Variants in KDM6A observed in about 807,000 individuals in gnomAD.
KDM6A encodes the protein lysine demethylase 6A.
Under a neutral mutation model 117.6 loss-of-function variants are expected in KDM6A, and 11 were observed. The observed-to-expected ratio is 0.09, with a 90% confidence interval of 0.06 to 0.15. The LOEUF is 0.15. Ranked by LOEUF, KDM6A falls within the 10% of genes least tolerant of loss-of-function variation. The probability of loss-of-function intolerance (pLI) is 1.00; values close to 1 mark genes in which losing one functional copy is unlikely to be tolerated. For synonymous variants in KDM6A, 384 were observed against 396.1 expected, an observed-to-expected ratio of 0.97 and a Z score of 0.36; for missense variants, 799 against 1,077.3, an observed-to-expected ratio of 0.74 and a Z score of 3.62.
intron 4 of KDM6A, among the ~76,000 whole-genome samples, chrX:45,007,443 C>T (rs1419507811): frequency 8.9e-6 from 1 of 112,102 alleles, no homozygotes; most frequent in Non-Finnish European, 1.9e-5. Context: ...TGGCTACATC[C>T]CCCAGGACCC....
chrX:44,958,527 GA>G (rs1180451615), intron 2 of KDM6A, among the ~76,000 whole-genome samples: 1 of 99,559 alleles, frequency 1.0e-5, no homozygotes, highest in Non-Finnish European at 2.0e-5. Flanking sequence ...GGTTAATTAT[GA>G]AAAAAATCTA....
intron 27 of KDM6A, among the ~76,000 whole-genome samples, chrX:45,093,058 C>G (rs906114754): frequency 1.8e-5 from 2 of 110,526 alleles, no homozygotes; most frequent in Non-Finnish European, 3.8e-5. Context: ...GGATTTTAAG[C>G]AGGAAAGGAA....
At chrX:45,005,969 A>ACCCCCCC (rs1569516057) in intron 4 of KDM6A, among the ~76,000 whole-genome samples, 2 of 13,599 alleles carry the variant, frequency 1.5e-4, no homozygotes, top group Admixed American at 9.7e-4. Flanking sequence ...CCACCCCCCC[A>ACCCCCCC]CCCCCCCCAC....
chrX:44,925,714 C>T (rs1221666548), intron 2 of KDM6A, among the ~76,000 whole-genome samples: 6 of 111,071 alleles, frequency 5.4e-5, no homozygotes, highest in Admixed American at 1.9e-4. Context: ...AATAAGTGTC[C>T]TAATGCAAAC....
In KDM6A at chrX:44,961,422, A is replaced by T. The variant is rs372038661; in HGVS notation, c.334+30A>T. On this transcript the variant is annotated intron_variant, in intron 3 of 29. Transcript: ENST00000611820. ...TTTTTTTCTTGTTCATTATTGTTTG[A>T]TTTATACATGTGTTGGATTGTAATT... The T allele has an allele frequency of 7.7e-5, 71 of 926,110 alleles. No individual in the cohort carries two copies. In the African/African-American group the frequency reaches 1.1e-3, roughly 14 times the overall value. The allele number at this position is 926,110 out of a possible 1,213,427, so 76.3% of individuals were successfully genotyped here.
At chrX:45,074,349 T>C (rs2045014190) in intron 18 of KDM6A, among the ~76,000 whole-genome samples, 1 of 112,273 alleles carries the variant, frequency 8.9e-6, no homozygotes, top group South Asian at 3.6e-4. Context: ...CTTGAGGTGT[T>C]CTAAACAGTG....
chrX:44,935,095 A>G (rs2036891450), intron 2 of KDM6A, among the ~76,000 whole-genome samples: 1 of 111,077 alleles, frequency 9.0e-6, no homozygotes, highest in Non-Finnish European at 1.9e-5. Flanking sequence ...CTTTTCTGGG[A>G]TTATGCACAA....
At chrX:44,957,310 T>A (rs1173811882) in intron 2 of KDM6A, among the ~76,000 whole-genome samples, 1 of 111,800 alleles carries the variant, frequency 8.9e-6, no homozygotes, top group African/African-American at 3.3e-5. Context: ...AAGAAAAAAG[T>A]TTAAATGTTG....
At chrX:44,891,217 G>C (rs2033335006) in intron 2 of KDM6A, among the ~76,000 whole-genome samples, 3 of 110,602 alleles carry the variant, frequency 2.7e-5, no homozygotes, top group Non-Finnish European at 5.7e-5. Context: ...ATCTTGATGT[G>C]AAGTATAAAA....
At position 44,922,027 on chromosome X, in the gene KDM6A, CCTTTTTTTTTTTTT is replaced by C. The variant is rs1318933471; in HGVS notation, c.226-39256_226-39243del. On this transcript the variant is annotated intron_variant, in intron 2 of 29. Transcript: ENST00000611820. ...ATGCTGATAAAATTCATTGTGTGTG[CCTTTTTTTTTTTTT>C]TTTTTTTTTTTTTTTTTTTTTTTAA... Among the ~76,000 whole-genome samples, 139 of 37,711 alleles carry C rather than the reference CCTTTTTTTTTTTTT, an allele frequency of 3.7e-3. 13 individuals are homozygous for C. Among genetic ancestry groups the C allele is most frequent in the African/African-American group, 5.6e-3 (42 of 7,528 alleles). 32.7% of individuals were successfully genotyped at this position (37,711 alleles called of 115,157 possible).
At chrX:44,881,752 A>G (rs1261828383) in intron 2 of KDM6A, among the ~76,000 whole-genome samples, 7 of 107,183 alleles carry the variant, frequency 6.5e-5, no homozygotes, top group Non-Finnish European at 1.3e-4. Flanking sequence ...CAATGTCGCA[A>G]TCTCGACTCA....
intron 4 of KDM6A, among the ~76,000 whole-genome samples, chrX:45,006,171 C>T (rs2041473902): frequency 1.1e-5 from 1 of 88,915 alleles, no homozygotes; most frequent in Non-Finnish European, 2.2e-5. Flanking sequence ...GCGCCCCCCC[C>T]CGCCGCCATG....
intron 2 of KDM6A, among the ~76,000 whole-genome samples, chrX:44,917,040 T>A (rs1307702015): frequency 5.6e-5 from 6 of 106,724 alleles, no homozygotes; most frequent in South Asian, 4.3e-4. Flanking sequence ...TTTTTTTTTT[T>A]AATTTAAGTA....
chrX:45,054,937 C>T, intron 10 of KDM6A, among the ~76,000 whole-genome samples: 1 of 111,365 alleles, frequency 9.0e-6, no homozygotes, highest in Non-Finnish European at 1.9e-5. Flanking sequence ...GTGCTACTTT[C>T]ATATAGTGGG....
At chrX:44,907,915 T>C (rs2034832508) in intron 2 of KDM6A, among the ~76,000 whole-genome samples, 1 of 109,844 alleles carries the variant, frequency 9.1e-6, no homozygotes, top group Non-Finnish European at 1.9e-5. Context: ...AGCCAAACTG[T>C]GGAAGTGGAC....
intron 6 of KDM6A, among the ~76,000 whole-genome samples, chrX:45,026,769 T>C (rs1372613612): frequency 1.9e-5 from 2 of 102,777 alleles, no homozygotes; most frequent in Admixed American, 2.2e-4. Flanking sequence ...AGGTGGAGAT[T>C]GCAGTGAGCT....
chrX:44,953,497 A>T (rs767716675), intron 2 of KDM6A, among the ~76,000 whole-genome samples: 35 of 112,338 alleles, frequency 3.1e-4, no homozygotes, highest in Non-Finnish European at 5.4e-4. Flanking sequence ...GTCACAAAAC[A>T]GTATTTATAG....
chrX:44,973,901 C>G (rs2039487952), intron 3 of KDM6A, among the ~76,000 whole-genome samples: 1 of 111,100 alleles, frequency 9.0e-6, no homozygotes, highest in Non-Finnish European at 1.9e-5. Flanking sequence ...CACACACCCC[C>G]TTTTCATCCC....
In KDM6A at chrX:45,019,873, C is replaced by T. The variant is rs183325758; in HGVS notation, c.444-737C>T. ...ATTCAATGAAAAGTGTTTCTTTCCCCAACCCCTGAACTTGTTCTATTGGTG... is the reference window on the plus strand; with the variant it reads ...ATTCAATGAAAAGTGTTTCTTTCCCTAACCCCTGAACTTGTTCTATTGGTG... On this transcript the variant is annotated intron_variant, in intron 5 of 29. Transcript: ENST00000611820. Among the ~76,000 whole-genome samples, 40 of 111,670 alleles carry T rather than the reference C, an allele frequency of 3.6e-4. 1 individual carries two copies. Among genetic ancestry groups the T allele is most frequent in the African/African-American group, 1.2e-3 (37 of 30,803 alleles).
Sources: allele counts gnomAD v4.1 joint callset (sites outside exome capture counted in the v4.1 genomes callset), GRCh38; gene constraint gnomAD v4.1.1; transcripts MANE v1.5; gene names NCBI Gene and HGNC (gene_info 2026-07-23, HGNC 2026-07-21).